Variants in DTNA observed in about 807,000 individuals in gnomAD.
DTNA encodes dystrobrevin alpha, also known as dystrophin-related protein 3.
In DTNA, 43 loss-of-function variants were observed where a neutral mutation model predicts 100.7. The observed-to-expected ratio is 0.43, with a 90% CI of 0.33 to 0.55. The LOEUF is 0.55. Among genes scored for constraint, DTNA ranks in the 20% least tolerant of loss-of-function variants. The pLI, the probability that DTNA is intolerant of heterozygous loss-of-function variation, is 0.04. For synonymous variants in DTNA, 349 were observed against 347.9 expected (o/e 1.00, Z -0.04); for missense variants, 798 against 953.9 (o/e 0.84, Z 2.15).
At chr18:34,632,331 G>C (rs1269397395) in intron 1 of DTNA, among the ~76,000 whole-genome samples, 2 of 152,164 alleles carry the variant, frequency 1.3e-5, no homozygotes, top group Non-Finnish European at 2.9e-5. Flanking sequence ...GATTTAAGGG[G>C]AGGATCATTT....
intron 8 of DTNA, 106 bp from the exon 9 acceptor site, chr18:34,820,685 A>G (rs2095692506): frequency 8.3e-6 from 13 of 1,562,106 alleles, no homozygotes; most frequent in Non-Finnish European, 1.1e-5. Context: ...AGCACTGAAA[A>G]AGGATTTCTT....
chr18:34,504,793 G>A (rs1048748727), intron 1 of DTNA, among the ~76,000 whole-genome samples: 1 of 152,090 alleles, frequency 6.6e-6, no homozygotes, highest in African/African-American at 2.4e-5. Context: ...ATGTGACTAT[G>A]ATGTGTCTTG....
rs1460804944 is a variant in DTNA at position 34,624,257 on chromosome 18, C to G, written c.-2+130743C>G. On this transcript the variant is annotated intron_variant, in intron 1 of 19. Transcript: ENST00000283365. ...TTTTGCCAGTTGCAGATCAATTAAT[C>G]TCAAAATCTTCAGTGTCTCATAAAG... Among the ~76,000 whole-genome samples, 4 of 152,142 alleles carry G rather than the reference C, an allele frequency of 2.6e-5. No individual in the cohort carries two copies. The South Asian group carries it at 8.3e-4, about 31-fold the overall frequency.
At chr18:34,867,558 G>C (rs2096719247) in intron 17 of DTNA, 2 of 1,112,542 alleles carry the variant, frequency 1.8e-6, no homozygotes, top group African/African-American at 3.2e-5. Flanking sequence ...TTCCTCTCCT[G>C]TCTCTTATTT....
intron 3 of DTNA, among the ~76,000 whole-genome samples, chr18:34,774,149 G>C (rs1341810988): frequency 6.6e-6 from 1 of 152,248 alleles, no homozygotes; most frequent in Admixed American, 6.5e-5. Flanking sequence ...TTGGGAAAGA[G>C]TGATGCATAC....
At chr18:34,577,028 T>G (rs1380926590) in intron 1 of DTNA, among the ~76,000 whole-genome samples, 1 of 152,208 alleles carries the variant, frequency 6.6e-6, no homozygotes, top group Non-Finnish European at 1.5e-5. Context: ...TGTGGGTCAG[T>G]AATAAATAGT....
intron 1 of DTNA, among the ~76,000 whole-genome samples, chr18:34,569,824 A>G (rs1047883280): frequency 5.3e-5 from 8 of 152,016 alleles, no homozygotes; most frequent in African/African-American, 1.7e-4. Context: ...CACATTATGG[A>G]GACCAGTCTG....
chr18:34,794,180 A>G lies in DTNA; in HGVS notation c.292A>G (p.Thr98Ala), dbSNP rs150961489. The G allele has an allele frequency of 8.7e-6, 14 of 1,614,066 alleles. No homozygotes were observed. The Admixed American group carries it at 1.5e-4, about 17-fold the overall frequency. The change falls in exon 4 of 23, where the codon ACC (threonine) becomes GCC (alanine). Residue 98 changes from threonine to alanine, a missense_variant. Coordinates refer to ENST00000444659, the MANE Select transcript of DTNA (RefSeq NM_001386795.1). ...TTACCAGCTCAACAAACGGATGCCA[A>G]CCACTCACCAAATCCATGTGGAGCA... ...IFYQLNKRMP[T>A]THQIHVEQSI...
intron 3 of DTNA, among the ~76,000 whole-genome samples, chr18:34,792,513 A>G (rs1477463102): frequency 6.6e-6 from 1 of 152,216 alleles, no homozygotes; most frequent in African/African-American, 2.4e-5. Flanking sequence ...GGAGAGAGCA[A>G]TGAGGTAGAA....
At chr18:34,866,522 A>C in intron 17 of DTNA, 1 of 1,131,242 alleles carries the variant, frequency 8.8e-7, no homozygotes, top group Non-Finnish European at 1.1e-6. Context: ...GTCATCCCAA[A>C]ACCCACAGCA....
chr18:34,882,022 T>A (rs374282467), intron 20 of DTNA, 47 bp from the exon 21 acceptor site: 915 of 1,613,696 alleles, frequency 5.7e-4, no homozygotes, highest in Non-Finnish European at 7.4e-4. Context: ...CGCTTGTAAT[T>A]CTCTTTTAAG....
intron 1 of DTNA, among the ~76,000 whole-genome samples, chr18:34,594,991 C>T (rs2050296054): frequency 6.6e-6 from 1 of 152,322 alleles, no homozygotes; most frequent in Non-Finnish European, 1.5e-5. Flanking sequence ...GACCTTGTGA[C>T]AGTTTAGACA....
intron 1 of DTNA, among the ~76,000 whole-genome samples, chr18:34,585,228 T>A (rs2049008423): frequency 6.6e-6 from 1 of 151,832 alleles, no homozygotes; most frequent in Non-Finnish European, 1.5e-5. Context: ...GTAGCAAGAT[T>A]GCCACAAAAA....
chr18:34,509,610 G>A (rs1471193974), intron 1 of DTNA, among the ~76,000 whole-genome samples: 3 of 152,062 alleles, frequency 2.0e-5, no homozygotes, highest in Non-Finnish European at 2.9e-5. Flanking sequence ...GATTGATTTT[G>A]AAAATTTGAT....
At chr18:34,595,963 A>G (rs2050514726) in intron 1 of DTNA, among the ~76,000 whole-genome samples, 1 of 152,198 alleles carries the variant, frequency 6.6e-6, no homozygotes, top group Non-Finnish European at 1.5e-5. Flanking sequence ...CTTTCATGAC[A>G]CCAGCATAAA....
intron 1 of DTNA, among the ~76,000 whole-genome samples, chr18:34,576,803 G>A (rs774144210): frequency 4.8e-4 from 73 of 152,106 alleles, no homozygotes; most frequent in Non-Finnish European, 4.6e-4. Flanking sequence ...AATGAATGAG[G>A]TTGTTTATGA....
intron 1 of DTNA, among the ~76,000 whole-genome samples, chr18:34,643,168 C>G (rs1327865556): frequency 2.6e-5 from 4 of 152,178 alleles, no homozygotes; most frequent in Admixed American, 2.6e-4. Flanking sequence ...CAAGATGTGT[C>G]ATGGCTCTTG....
intron 17 of DTNA, among the ~76,000 whole-genome samples, chr18:34,873,582 C>A (rs1278497080): frequency 6.6e-6 from 1 of 152,218 alleles, no homozygotes; most frequent in Non-Finnish European, 1.5e-5. Flanking sequence ...GACTCCGTCT[C>A]CAGATAAAGC....
At chr18:34,876,560 A>G (rs1185611404) in intron 18 of DTNA, among the ~76,000 whole-genome samples, 3 of 152,238 alleles carry the variant, frequency 2.0e-5, no homozygotes, top group Admixed American at 6.5e-5. Context: ...TTACAGAAAT[A>G]TAAATTTTAA....
Sources: allele counts gnomAD v4.1 joint callset (sites outside exome capture counted in the v4.1 genomes callset), GRCh38; gene constraint gnomAD v4.1.1; transcripts MANE v1.5; gene names NCBI Gene and HGNC (gene_info 2026-07-23, HGNC 2026-07-21).